Variants in ADAM32 observed in about 807,000 individuals in gnomAD.
ADAM32 encodes ADAM metallopeptidase domain 32.
In ADAM32, 89 loss-of-function variants were observed where a neutral mutation model predicts 114.9. The ratio of observed to expected loss-of-function variants is 0.77; its 90% CI spans 0.65 to 0.92. ADAM32 has a LOEUF of 0.92. Among genes scored for constraint, ADAM32 ranks in the 40% least tolerant of loss-of-function variants. The probability of loss-of-function intolerance (pLI) is 0.00; values close to 1 mark genes in which losing one functional copy is unlikely to be tolerated. For missense variants in ADAM32, 870 were observed against 932.8 expected, an observed-to-expected ratio of 0.93 and a Z score of 0.88; for synonymous variants, 285 against 307.5, an observed-to-expected ratio of 0.93 and a Z score of 0.77.
chr8:39,203,134 G>T (rs944265889), intron 11 of ADAM32, among the ~76,000 whole-genome samples: 1 of 152,216 alleles, frequency 6.6e-6, no homozygotes, highest in South Asian at 2.1e-4. Flanking sequence ...GAGTTCTGTA[G>T]ATGTCTATTA....
chr8:39,222,490 A>T (rs1809039514), intron 13 of ADAM32, among the ~76,000 whole-genome samples: 1 of 152,048 alleles, frequency 6.6e-6, no homozygotes, highest in Admixed American at 6.6e-5. Flanking sequence ...AATTTCCACA[A>T]TTCTATGTAT....
At chr8:39,236,716 A>G (rs1810175084) in intron 16 of ADAM32, among the ~76,000 whole-genome samples, 1 of 152,206 alleles carries the variant, frequency 6.6e-6, no homozygotes, top group Non-Finnish European at 1.5e-5. Flanking sequence ...GAAAATCCCC[A>G]TACTCTTTGA....
intron 19 of ADAM32, among the ~76,000 whole-genome samples, chr8:39,268,773 A>G (rs542562584): frequency 2.0e-5 from 3 of 152,212 alleles, no homozygotes; most frequent in Non-Finnish European, 4.4e-5. Context: ...ATATGTTAAG[A>G]AGTATGGAAA....
intron 19 of ADAM32, among the ~76,000 whole-genome samples, chr8:39,260,973 G>A (rs1424358910): frequency 6.6e-6 from 1 of 151,654 alleles, no homozygotes; most frequent in African/African-American, 2.4e-5. Context: ...CATATCCATG[G>A]GGCACACAGG....
At chr8:39,130,771 TTTTA>T in intron 2 of ADAM32, 1 of 399,502 alleles carries the variant, frequency 2.5e-6, no homozygotes, top group Non-Finnish European at 5.0e-6. Context: ...GTGACTTCAG[TTTTA>T]TTTTCTGAGA....
chr8:39,218,589 C>A (rs1179008956), intron 12 of ADAM32, among the ~76,000 whole-genome samples: 1 of 152,174 alleles, frequency 6.6e-6, no homozygotes, highest in Non-Finnish European at 1.5e-5. Flanking sequence ...TTGACACAGT[C>A]CTTCCTACTC....
intron 19 of ADAM32, among the ~76,000 whole-genome samples, chr8:39,262,289 A>G (rs1166892118): frequency 1.3e-5 from 2 of 151,630 alleles, no homozygotes; most frequent in African/African-American, 2.4e-5. Context: ...CCCCAGGGCT[A>G]TTTAATGAAG....
At chr8:39,109,569 AT>A (rs1485233600) in intron 1 of ADAM32, among the ~76,000 whole-genome samples, 10 of 152,152 alleles carry the variant, frequency 6.6e-5, no homozygotes, top group South Asian at 2.1e-4. Context: ...TAAAAAAAAA[AT>A]ATTAATGAAC....
chr8:39,128,877 CATT>C (rs1175416226), intron 2 of ADAM32, among the ~76,000 whole-genome samples: 1 of 152,134 alleles, frequency 6.6e-6, no homozygotes, highest in Non-Finnish European at 1.5e-5. Context: ...CTCAGTTCTT[CATT>C]CTGGGGATAC....
chr8:39,270,440 T>G (rs896732163), intron 19 of ADAM32, among the ~76,000 whole-genome samples: 3 of 152,212 alleles, frequency 2.0e-5, no homozygotes, highest in African/African-American at 4.8e-5. Context: ...AGAGTTCACT[T>G]ATAGCATCTC....
chr8:39,257,358 T>C lies in ADAM32; in HGVS notation c.2162+15T>C. 6.2e-7 allele frequency: 1 copy of C among 1,612,654 alleles called. No homozygotes were observed. Among genetic ancestry groups the C allele is most frequent in the African/African-American group, 1.3e-5 (1 of 75,000 alleles). The stretch of plus-strand genomic sequence containing the variant: ...CCAAGTAGCGAGTAAATTGCATTTG[T>C]GTTCTGAAGTTAAACATTAGTACCA... On this transcript the variant is annotated intron_variant, in intron 19 of 24. Coordinates refer to ENST00000379907, the MANE Select transcript of ADAM32 (RefSeq NM_145004.7).
intron 2 of ADAM32, among the ~76,000 whole-genome samples, chr8:39,132,832 A>C (rs1035602236): frequency 1.3e-5 from 2 of 151,998 alleles, no homozygotes; most frequent in Non-Finnish European, 1.5e-5. Flanking sequence ...TCTGCCACTA[A>C]TTGTATTAAT....
At chr8:39,218,373 T>C (rs1419393569) in intron 12 of ADAM32, among the ~76,000 whole-genome samples, 1 of 152,090 alleles carries the variant, frequency 6.6e-6, no homozygotes, top group Admixed American at 6.5e-5. Context: ...ACCTGACTAC[T>C]GACTATGTTC....
Position 39,270,876 on chromosome 8 carries a change from A to T in ADAM32, c.2163A>T (p.Glu721Asp), listed in dbSNP as rs774478038. The change falls in exon 20 of 25, where the codon GAA becomes GAT. Residue 721 changes from glutamate (E) to aspartate (D), a missense_variant and splice_region_variant. By Grantham distance (45) the Glu-to-Asp change is conservative. Coordinates refer to ENST00000379907, the MANE Select transcript of ADAM32 (RefSeq NM_145004.7). ...TGAGACATTTTCAATTTCTTTTTAG[A>T]TCTAAATCGGAAGGTAGCACACAGA... ...FAKEEEFPSS[E>D]SKSEGSTQTY... 4.4e-6 allele frequency: 7 copies of T among 1,609,104 alleles called. No individual in the cohort carries two copies. Among genetic ancestry groups the T allele is most frequent in the Non-Finnish European group, 5.9e-6 (7 of 1,177,338 alleles).
chr8:39,269,890 GA>G (rs1812602699), intron 19 of ADAM32, among the ~76,000 whole-genome samples: 1 of 152,216 alleles, frequency 6.6e-6, no homozygotes, highest in Non-Finnish European at 1.5e-5. Context: ...GCATGGCTGG[GA>G]AGGCCTCAGG....
chr8:39,221,632 G>A lies in ADAM32; in HGVS notation c.1256G>A (p.Cys419Tyr). 10 of 1,611,994 alleles carry A rather than the reference G, an allele frequency of 6.2e-6. No homozygotes were observed. The highest frequency in any genetic ancestry group is 8.5e-6 in the Non-Finnish European group (10 of 1,178,726). The change falls in exon 13 of 25, where the codon TGT becomes TAT. Residue 419 changes from cysteine to tyrosine, a missense_variant. By Grantham distance (194) the Cys-to-Tyr change is radical. Transcript: ENST00000379907. ...TAGCAATGTGGACCTGCAAGCTGTTGTGATTTTCGAACTTGTGTACTGAAA... is the reference window on the plus strand; with the variant it reads ...TAGCAATGTGGACCTGCAAGCTGTTATGATTTTCGAACTTGTGTACTGAAA... ...TEAQCGPASC[C>Y]DFRTCVLKDG...
chr8:39,149,065 A>G (rs965311672), intron 4 of ADAM32, among the ~76,000 whole-genome samples: 5 of 152,182 alleles, frequency 3.3e-5, no homozygotes, highest in Admixed American at 2.0e-4. Flanking sequence ...GCATATGTTA[A>G]CTAGGTCATA....
At chr8:39,254,972 C>G (rs573160851) in intron 18 of ADAM32, among the ~76,000 whole-genome samples, 30 of 151,950 alleles carry the variant, frequency 2.0e-4, no homozygotes, top group African/African-American at 6.7e-4. Context: ...ATTTGGTTTT[C>G]CATTCTTCAA....
At chr8:39,128,976 C>A (rs993885941) in intron 2 of ADAM32, among the ~76,000 whole-genome samples, 2 of 152,084 alleles carry the variant, frequency 1.3e-5, no homozygotes, top group Non-Finnish European at 2.9e-5. Flanking sequence ...TATTATTTTT[C>A]ATGCTATTGT....
Sources: allele counts gnomAD v4.1 joint callset (sites outside exome capture counted in the v4.1 genomes callset), GRCh38; gene constraint gnomAD v4.1.1; transcripts MANE v1.5; gene names NCBI Gene and HGNC (gene_info 2026-07-23, HGNC 2026-07-21).